FRMPD1: variants seen among roughly 807,000 people sequenced by gnomAD.
The protein encoded by FRMPD1 is FERM and PDZ domain-containing protein 1.
In FRMPD1, 76 loss-of-function variants were observed where a neutral mutation model predicts 117.8. That is an observed-to-expected ratio of 0.65 (90% CI 0.54 to 0.78). FRMPD1 has a LOEUF of 0.78. FRMPD1 is among the 30% of genes least tolerant of loss of function. The pLI is 0.00. For synonymous variants in FRMPD1, 783 were observed against 770.4 expected, an observed-to-expected ratio of 1.02 and a Z score of -0.27; for missense variants, 1,786 against 1,964.5, an observed-to-expected ratio of 0.91 and a Z score of 1.72.
rs1822106746 is a variant in FRMPD1, at chr9:37,690,829, G to A, written c.-4-1809G>A. ...ATATTGAGGTGCTGGTATCTGGTAA[G>A]GGCCTTCTTGCTGTATCATCCCATG... is the stretch of plus-strand genomic sequence containing the variant. On this transcript the variant is annotated intron_variant, in intron 1 of 15. Transcript: ENST00000377765. Among the ~76,000 whole-genome samples, 3 of 152,166 alleles carry A rather than the reference G, an allele frequency of 2.0e-5. No individual in the cohort carries two copies. In the South Asian group the frequency reaches 6.2e-4, roughly 31 times the overall value.
At chr9:37,663,778 G>A (rs1821069969) in intron 1 of FRMPD1, among the ~76,000 whole-genome samples, 2 of 152,172 alleles carry the variant, frequency 1.3e-5, no homozygotes, top group Admixed American at 1.3e-4. Context: ...TGTAATGTTT[G>A]CATATAACCT....
chr9:37,657,705 G>T (rs908155134), intron 1 of FRMPD1, among the ~76,000 whole-genome samples: 23 of 152,230 alleles, frequency 1.5e-4, no homozygotes, highest in African/African-American at 5.5e-4. Flanking sequence ...CGTAATAAGT[G>T]TCTTAGTGAG....
intron 5 of FRMPD1, among the ~76,000 whole-genome samples, chr9:37,713,614 G>T (rs1277783319): frequency 6.6e-6 from 1 of 151,578 alleles, no homozygotes; most frequent in African/African-American, 2.4e-5. Flanking sequence ...GAGAGAGAGA[G>T]AGACCATATA....
At chr9:37,622,499 A>C in the FRMPD1 span, among the ~76,000 whole-genome samples, 79 of 152,346 alleles carry the variant, frequency 5.2e-4, 1 homozygote, top group Admixed American at 7.8e-4. Context: ...TTAGTCCCTC[A>C]CAGGGCATTT....
rs749523122 is a variant in FRMPD1 at position 37,745,124 on chromosome 9, C to A, written c.3092C>A (p.Pro1031Gln). ...GACAGAGCCTGCCTGGCCAGCAACC[C>A]AGGACTAAATAATGTCTCTCAAGGA... ...NPDRACLASN[P>Q]GLNNVSQGDT... The change falls in exon 16 of 16, where the codon CCA becomes CAA. Residue 1031 changes from proline to glutamine, a missense_variant. Pro to Gln is a moderately conservative substitution (Grantham distance 76). Transcript: ENST00000377765. 8.7e-6 allele frequency: 14 copies of A among 1,614,136 alleles called. No individual in the cohort carries two copies. The South Asian group carries it at 1.4e-4, about 16-fold the overall frequency.
upstream of FRMPD1, among the ~76,000 whole-genome samples, chr9:37,650,262 A>T (rs12340152): frequency 0.22 from 32,821 of 151,998 alleles, 3,803 homozygotes; most frequent in East Asian, 0.45. Context: ...GAACCAGGGG[A>T]GTGGGTGAGA....
At chr9:37,660,516 C>T (rs1003070472) in intron 1 of FRMPD1, among the ~76,000 whole-genome samples, 1 of 152,196 alleles carries the variant, frequency 6.6e-6, no homozygotes, top group African/African-American at 2.4e-5. Flanking sequence ...GATATTCAGA[C>T]TGCACTGCTT....
At chr9:37,618,417 T>C in the FRMPD1 span, among the ~76,000 whole-genome samples, 1 of 152,134 alleles carries the variant, frequency 6.6e-6, no homozygotes, top group Non-Finnish European at 1.5e-5. Flanking sequence ...AACAACAGCC[T>C]CTTTTACCTG....
In FRMPD1 at chr9:37,740,510, T is replaced by C. The variant is rs755416603; in HGVS notation, c.1982T>C (p.Leu661Pro). ...AGTGGCTTCCTCTGTCTCCTGGACC[T>C]GGCCCAGAGAGCCAACCCCCAGTGC... ...ETSGFLCLLD[L>P]AQRANPQCQK... Residue 661 changes from leucine to proline, a missense_variant, in exon 15 of 16, where the codon CTG becomes CCG. Transcript: ENST00000377765. This position sits in a 1 kb window ranked among gnomAD's most constrained non-coding sequence, Gnocchi z 4.2. The C allele has an allele frequency of 6.2e-7, 1 of 1,614,214 alleles. No individual in the cohort carries two copies. The highest frequency in any genetic ancestry group is 8.5e-7 in the Non-Finnish European group (1 of 1,180,028).
chr9:37,716,979 A>C (rs1823147364), intron 5 of FRMPD1, among the ~76,000 whole-genome samples: 1 of 152,164 alleles, frequency 6.6e-6, no homozygotes, highest in Non-Finnish European at 1.5e-5. Context: ...ATCACTGTTG[A>C]GGATTGAGAC....
intron 1 of FRMPD1, among the ~76,000 whole-genome samples, chr9:37,654,742 A>G (rs1196981046): frequency 4.6e-5 from 7 of 152,256 alleles, no homozygotes; most frequent in African/African-American, 1.4e-4. Context: ...GTGCATGTAC[A>G]ACTAGACAGT....
the FRMPD1 span, among the ~76,000 whole-genome samples, chr9:37,605,613 T>C: frequency 5.3e-5 from 8 of 152,350 alleles, no homozygotes; most frequent in South Asian, 1.0e-3. Flanking sequence ...GGAAATTGCC[T>C]TAGGACCTCT....
intron 1 of FRMPD1, among the ~76,000 whole-genome samples, chr9:37,653,968 A>G (rs1820763812): frequency 6.6e-6 from 1 of 152,176 alleles, no homozygotes; most frequent in African/African-American, 2.4e-5. Flanking sequence ...CTCTAAAAAA[A>G]AGAAGACAGA....
the FRMPD1 span, chr9:37,637,285 G>T: frequency 6.5e-7 from 1 of 1,543,820 alleles, no homozygotes; most frequent in Non-Finnish European, 8.9e-7. Context: ...AGTCATATCC[G>T]GGGTTCATGG....
chr9:37,639,688 TGC>T, the FRMPD1 span, among the ~76,000 whole-genome samples: 2 of 152,166 alleles, frequency 1.3e-5, no homozygotes, highest in African/African-American at 4.8e-5. Flanking sequence ...CCAGTGTCTA[TGC>T]ACTTCCCAGG....
At chr9:37,663,984 C>T (rs10973472) in intron 1 of FRMPD1, among the ~76,000 whole-genome samples, 11,032 of 152,186 alleles carry the variant, frequency 0.072, 506 homozygotes, top group Non-Finnish European at 0.11. Flanking sequence ...GTTGAATCCA[C>T]GGATGCAGAA....
the FRMPD1 span, among the ~76,000 whole-genome samples, chr9:37,618,340 A>T: frequency 6.6e-6 from 1 of 152,168 alleles, no homozygotes. Flanking sequence ...GGACAAATGA[A>T]TAGGTGACAC....
At chr9:37,685,641 G>A (rs1821910951) in intron 1 of FRMPD1, among the ~76,000 whole-genome samples, 1 of 150,940 alleles carries the variant, frequency 6.6e-6, no homozygotes, top group Admixed American at 6.6e-5. Context: ...GAGAAAGCGA[G>A]ACTCCGTCTC....
At chr9:37,654,063 A>G (rs538182435) in intron 1 of FRMPD1, among the ~76,000 whole-genome samples, 4 of 152,192 alleles carry the variant, frequency 2.6e-5, no homozygotes, top group African/African-American at 9.6e-5. Flanking sequence ...TTTTCAATCA[A>G]TGGTTGTTCA....
Sources: allele counts gnomAD v4.1 joint callset (sites outside exome capture counted in the v4.1 genomes callset), GRCh38; gene constraint gnomAD v4.1.1; non-coding constraint Gnocchi (gnomAD v3.1); transcripts MANE v1.5; gene names NCBI Gene and HGNC (gene_info 2026-07-23, HGNC 2026-07-21).